LRCH4: variants seen among roughly 807,000 people sequenced by gnomAD.
The protein encoded by LRCH4 is leucine rich repeats and calponin homology domain containing 4.
Under a neutral mutation model 81.2 loss-of-function variants are expected in LRCH4, and 56 were observed. The observed-to-expected ratio is 0.69, with a 90% CI of 0.56 to 0.86. The LOEUF (loss-of-function observed/expected upper bound fraction) is 0.86, where lower values mean the gene tolerates loss of function less well. LRCH4 is among the 40% of genes least tolerant of loss of function. The pLI is 0.00. For missense variants in LRCH4, 895 were observed against 922.8 expected (o/e 0.97, Z 0.39); for synonymous variants, 442 against 409.7 (o/e 1.08, Z -0.95).
chr7:100,581,202 A>C (rs1348360347), intron 4 of LRCH4, among the ~76,000 whole-genome samples: 1 of 152,210 alleles, frequency 6.6e-6, no homozygotes, highest in Non-Finnish European at 1.5e-5. Context: ...GCCTGTGTCC[A>C]CGTTTCTAAC....
rs760406062 is a variant in LRCH4 at position 100,577,576 on chromosome 7, G to A, written c.1117-18C>T. 1 of 1,611,362 alleles carries A rather than the reference G, an allele frequency of 6.2e-7. No homozygotes were observed. Among genetic ancestry groups the A allele is most frequent in the South Asian group, 1.1e-5 (1 of 91,082 alleles). The stretch of plus-strand genomic sequence containing the variant: ...CGCTGCTCCTAAGGAGAGAACAGCA[G>A]AGCAGCTGAGGGCAGGCCTGTGCCC... On this transcript the variant is annotated intron_variant, in intron 9 of 17. Transcript: ENST00000310300. The surrounding 1 kb of genome is among the most constrained non-coding windows in gnomAD (Gnocchi z 6.7).
Position 100,577,897 on chromosome 7 carries a change from A to G in LRCH4, c.964T>C (p.Ser322Pro). ...TCTGAGATCCGGAATGACAGCTCTG[A>G]AAATTCATCTGTTGACTGTAAAGGC... The part of the protein sequence containing the change: ...WSGNESTDEF[S>P]ELSFRISELA... The change falls in exon 8 of 18, where the codon TCA becomes CCA. Residue 322 changes from serine to proline, a missense_variant. Transcript: ENST00000310300. The surrounding 1 kb of genome is among the most constrained non-coding windows in gnomAD (Gnocchi z 6.7). 6.2e-7 allele frequency: 1 copy of G among 1,614,014 alleles called. No homozygotes were observed.
Position 100,575,740 on chromosome 7 carries a change from A to C in LRCH4, c.1819T>G (p.Phe607Val). ...ALKARKNVES[F>V]LEACRKMGVP... ...CCCATTTTTCGACAGGCTTCTAGAAAACTCTCCACATTCTTCCGAGCCTTG... is the reference window on the plus strand; with the variant it reads ...CCCATTTTTCGACAGGCTTCTAGAACACTCTCCACATTCTTCCGAGCCTTG... The change falls in exon 17 of 18, where the codon TTT (phenylalanine) becomes GTT (valine). Residue 607 changes from phenylalanine to valine, a missense_variant. Phe to Val is a conservative substitution (Grantham distance 50). Coordinates refer to ENST00000310300, the MANE Select transcript of LRCH4 (RefSeq NM_002319.5). This position sits in a 1 kb window ranked among gnomAD's most constrained non-coding sequence, Gnocchi z 5.3. 1 of 1,613,620 alleles carries C rather than the reference A, an allele frequency of 6.2e-7. No individual in the cohort carries two copies. The highest frequency in any genetic ancestry group is 8.5e-7 in the Non-Finnish European group (1 of 1,179,752).
At chr7:100,576,814 G>A in intron 13 of LRCH4, 37 bp from the exon 14 acceptor site, 3 of 1,549,970 alleles carry the variant, frequency 1.9e-6, no homozygotes, top group Non-Finnish European at 2.6e-6. Context: ...ACAGGGGCAG[G>A]TGAGACAGGC....
intron 15 of LRCH4, 31 bp downstream of exon 15, chr7:100,576,207 C>A (rs767357479): frequency 6.2e-6 from 10 of 1,607,354 alleles, no homozygotes; most frequent in Non-Finnish European, 8.5e-6. Flanking sequence ...CGGCCCAGGC[C>A]CCTGCCCACG....
Position 100,577,019 on chromosome 7 carries a change from G to A in LRCH4, c.1365-14C>T. The A allele has an allele frequency of 6.2e-7, 1 of 1,613,828 alleles. No individual in the cohort carries two copies. Among genetic ancestry groups the A allele is most frequent in the Non-Finnish European group, 8.5e-7 (1 of 1,179,764 alleles). Reference sequence around the variant, plus strand: ...TTAGGCGAGCCGCTGAGGAGAGACAGAAGGGAATTAGAGGGATGATGGTCA... The same window carrying A: ...TTAGGCGAGCCGCTGAGGAGAGACAAAAGGGAATTAGAGGGATGATGGTCA... On this transcript the variant is annotated splice_polypyrimidine_tract_variant and intron_variant, in intron 12 of 17. Coordinates refer to ENST00000310300, the MANE Select transcript of LRCH4 (RefSeq NM_002319.5). The surrounding 1 kb of genome is among the most constrained non-coding windows in gnomAD (Gnocchi z 6.7).
At position 100,585,890 on chromosome 7, in the gene LRCH4, T is replaced by C. The variant is rs1462969296; in HGVS notation, c.211A>G (p.Thr71Ala). 1.2e-6 allele frequency: 2 copies of C among 1,604,668 alleles called. No homozygotes were observed. Among genetic ancestry groups the C allele is most frequent in the Non-Finnish European group, 1.7e-6 (2 of 1,174,386 alleles). ...GCCCGGCTGCACTCACCAGCCTGGG[T>C]GATGTCTGACAGGTCGTAGCTACGG... is the stretch of plus-strand genomic sequence containing the variant. ...AARSYDLSDI[T>A]QADLSRNRFP... The change falls in exon 1 of 18, where the codon ACC becomes GCC. Residue 71 changes from threonine to alanine, a missense_variant. This residue lies in a region of LRCH4 where 360 missense variants were observed against 397.0 expected (regional missense o/e 0.91). Transcript: ENST00000310300.
At chr7:100,580,595 A>C (rs1322388960) in intron 4 of LRCH4, 2 of 151,946 alleles carry the variant, frequency 1.3e-5, no homozygotes, top group Admixed American at 1.3e-4. Context: ...CACAGACCTA[A>C]ACACACACAA....
Position 100,582,008 on chromosome 7 carries a change from G to A in LRCH4, c.492+33C>T, listed in dbSNP as rs770688166. On this transcript the variant is annotated intron_variant, in intron 3 of 17. Transcript: ENST00000310300. This position sits in a 1 kb window ranked among gnomAD's most constrained non-coding sequence, Gnocchi z 5.0. ...TAGAAGGTCCCGCTGCCTGGCTCAGGGGTCCCTTTCCTGGTCCCGTCCCCA... is the reference window on the plus strand; with the variant it reads ...TAGAAGGTCCCGCTGCCTGGCTCAGAGGTCCCTTTCCTGGTCCCGTCCCCA... 32 of 1,600,504 alleles carry A rather than the reference G, an allele frequency of 2.0e-5. No homozygotes were observed. The South Asian group carries it at 3.3e-4, about 17-fold the overall frequency.
chr7:100,577,027 T>C lies in LRCH4; in HGVS notation c.1365-22A>G. ...GCCGCTGAGGAGAGACAGAAGGGAA[T>C]TAGAGGGATGATGGTCATAGGAAGA... On this transcript the variant is annotated intron_variant, in intron 12 of 17. Coordinates refer to ENST00000310300, the MANE Select transcript of LRCH4 (RefSeq NM_002319.5). This position sits in a 1 kb window ranked among gnomAD's most constrained non-coding sequence, Gnocchi z 6.7. 1 of 1,613,586 alleles carries C rather than the reference T, an allele frequency of 6.2e-7. No individual in the cohort carries two copies. Among genetic ancestry groups the C allele is most frequent in the South Asian group, 1.1e-5 (1 of 91,070 alleles).
In LRCH4 at chr7:100,577,987, G is replaced by T; in HGVS notation, c.949-75C>A. ...CTCAGGACCTGGGGGGTCCTGTGTG[G>T]GACTAAGCTCAGGGTCTCTGCTGAG... On this transcript the variant is annotated intron_variant, in intron 7 of 17. Coordinates refer to ENST00000310300, the MANE Select transcript of LRCH4 (RefSeq NM_002319.5). The surrounding 1 kb of genome is among the most constrained non-coding windows in gnomAD (Gnocchi z 6.7). 2 of 1,385,094 alleles carry T rather than the reference G, an allele frequency of 1.4e-6. No individual in the cohort carries two copies. Among genetic ancestry groups the T allele is most frequent in the Non-Finnish European group, 1.0e-6 (1 of 983,094 alleles). 85.8% of individuals were successfully genotyped at this position (1,385,094 alleles called of 1,614,324 possible).
Position 100,582,579 on chromosome 7 carries a change from A to C in LRCH4, c.221-120T>G. The C allele has an allele frequency of 1.0e-6, 1 of 993,210 alleles. No homozygotes were observed. Among genetic ancestry groups the C allele is most frequent in the Non-Finnish European group, 1.5e-6 (1 of 671,112 alleles). 61.5% of individuals were successfully genotyped at this position (993,210 alleles called of 1,614,324 possible). A position where few individuals can be genotyped will look rare whatever the true frequency, so the allele number is the denominator to read the frequency against. On this transcript the variant is annotated intron_variant, in intron 1 of 17. Coordinates refer to ENST00000310300, the MANE Select transcript of LRCH4 (RefSeq NM_002319.5). This position sits in a 1 kb window ranked among gnomAD's most constrained non-coding sequence, Gnocchi z 5.0. ...CCACACCTAAAGATTCAAGGCCATC[A>C]ATGTGGCCTCCCAGGAGAGATAACA...
intron 4 of LRCH4, chr7:100,581,539 C>T (rs1024734824): frequency 1.5e-5 from 7 of 464,248 alleles, no homozygotes; most frequent in African/African-American, 1.2e-4. Context: ...AGAGGGCTGT[C>T]TCTGCTCTCC....
In LRCH4 at chr7:100,575,282, T is replaced by C; in HGVS notation, c.1877A>G (p.Asp626Gly). ...CCCCCGGGCAGTGCCCTGGAGGAGA[T>C]CCGAGGGCGAGCACAGGTCAGCCTG... ...VPEADLCSPSDLLQGTARGLR... is the reference protein window; with the variant it reads ...VPEADLCSPSGLLQGTARGLR... The change falls in exon 18 of 18, where the codon GAT becomes GGT. Residue 626 changes from aspartate to glycine, a missense_variant. Asp to Gly is a moderately conservative substitution (Grantham distance 94). Transcript: ENST00000310300. The surrounding 1 kb of genome is among the most constrained non-coding windows in gnomAD (Gnocchi z 5.3). The C allele has an allele frequency of 6.4e-7, 1 of 1,560,656 alleles. No individual in the cohort carries two copies. The highest frequency in any genetic ancestry group is 1.4e-5 in the African/African-American group (1 of 73,850).
In LRCH4 at chr7:100,576,911, CT is replaced by C; in HGVS notation, c.1458del (p.Ile486MetfsTer41). ...PAPASQEPLPIAGPATAPAPR... is the reference protein window; with the variant it reads ...PAPASQEPLPXAGPATAPAPR... ...AAAATCCCTGTCCCACCTGGTCCAG[CT>C]ATGGGAAGGGGCTCTTGGGAGGCAG... On this transcript the variant is annotated frameshift_variant, in exon 13 of 18. Transcript: ENST00000310300. LOFTEE classifies it high-confidence loss of function. 1.3e-6 allele frequency: 2 copies of C among 1,555,394 alleles called. No homozygotes were observed. The highest frequency in any genetic ancestry group is 1.7e-6 in the Non-Finnish European group (2 of 1,147,408).
Position 100,578,926 on chromosome 7 carries a change from C to G in LRCH4, c.599-140G>C, listed in dbSNP as rs1031322727. 2.5e-6 allele frequency: 2 copies of G among 785,674 alleles called. No homozygotes were observed. Among genetic ancestry groups the G allele is most frequent in the Non-Finnish European group, 4.0e-6 (2 of 495,374 alleles). The allele number at this position is 785,674 out of a possible 1,614,324, so 48.7% of individuals were successfully genotyped here. A position where few individuals can be genotyped will look rare whatever the true frequency, so the allele number is the denominator to read the frequency against. On this transcript the variant is annotated intron_variant, in intron 4 of 17. Transcript: ENST00000310300. This position sits in a 1 kb window ranked among gnomAD's most constrained non-coding sequence, Gnocchi z 5.7. ...CCCCTGGGTGGCTCAAGTCATTCCC[C>G]GGGAGAAACCTCCCTGCTCCTCTCT...
intron 1 of LRCH4, chr7:100,584,177 G>A (rs1457042984): frequency 2.2e-6 from 1 of 456,628 alleles, no homozygotes; most frequent in South Asian, 1.5e-5. Context: ...TCTGCTTGGA[G>A]GGCGAGGAGA....
At position 100,586,096 on chromosome 7, in the gene LRCH4, G is replaced by A. The variant is rs201008650; in HGVS notation, c.5C>T (p.Ala2Val). The A allele has an allele frequency of 2.6e-6, 4 of 1,523,284 alleles. No individual in the cohort carries two copies. The highest frequency in any genetic ancestry group is 1.2e-5 in the South Asian group (1 of 82,338). 94.4% of individuals were successfully genotyped at this position (1,523,284 alleles called of 1,614,324 possible). A position where few individuals can be genotyped will look rare whatever the true frequency, so the allele number is the denominator to read the frequency against. The part of the protein sequence containing the change: M[A>V]AAVAAPLAAG... ...GGCGAGTGGAGCCGCTACGGCCGCCGCCATCCGCTCCCGGCGGCTCCCGCT... is the reference window on the plus strand; with the variant it reads ...GGCGAGTGGAGCCGCTACGGCCGCCACCATCCGCTCCCGGCGGCTCCCGCT... Residue 2 changes from alanine to valine, a missense_variant, in exon 1 of 18, where the codon GCG (alanine) becomes GTG (valine). Physicochemically the swap from Ala to Val is moderately conservative, Grantham distance 64 (BLOSUM62 0). Coordinates refer to ENST00000310300, the MANE Select transcript of LRCH4 (RefSeq NM_002319.5).
At position 100,575,966 on chromosome 7, in the gene LRCH4, C is replaced by T. The variant is rs911722950; in HGVS notation, c.1681G>A (p.Ala561Thr). ...RLQRPLPEDL[A>T]EALASGVILC... ...ATGACCCCACTGGCCAGAGCCTCGGCCAGGTCCTCAGGCAGGGGCCGCTGC... is the reference window on the plus strand; with the variant it reads ...ATGACCCCACTGGCCAGAGCCTCGGTCAGGTCCTCAGGCAGGGGCCGCTGC... Residue 561 changes from alanine to threonine, a missense_variant, in exon 16 of 18, where the codon GCC becomes ACC. Transcript: ENST00000310300. The surrounding 1 kb of genome is among the most constrained non-coding windows in gnomAD (Gnocchi z 5.3). 1 of 1,609,032 alleles carries T rather than the reference C, an allele frequency of 6.2e-7. No individual in the cohort carries two copies. The highest frequency in any genetic ancestry group is 1.3e-5 in the African/African-American group (1 of 74,928).
Sources: gnomAD v4.1 joint callset for allele counts (sites outside exome capture counted in the v4.1 genomes callset) on GRCh38, gnomAD v4.1.1 for gene constraint, gnomAD v4.1.1 regional missense constraint, Gnocchi (gnomAD v3.1) non-coding constraint, MANE v1.5 for transcripts, NCBI Gene and HGNC (gene_info 2026-07-23, HGNC 2026-07-21) for gene names.